Variants in ZMYM2 observed in about 807,000 individuals in gnomAD.
ZMYM2 encodes the protein zinc finger MYM-type containing 2.
In ZMYM2, 56 loss-of-function variants were observed where a neutral mutation model predicts 162.8. The ratio of observed to expected loss-of-function variants is 0.34; its 90% CI spans 0.28 to 0.43. The LOEUF (loss-of-function observed/expected upper bound fraction) is 0.43, where lower values mean the gene tolerates loss of function less well. ZMYM2 is among the 20% of genes least tolerant of loss of function. The probability of loss-of-function intolerance (pLI) is 1.00; values close to 1 mark genes in which losing one functional copy is unlikely to be tolerated. For missense variants in ZMYM2, 1,275 were observed against 1,621.8 expected (o/e 0.79, Z 3.67); for synonymous variants, 510 against 541.6 (o/e 0.94, Z 0.81).
At chr13:20,048,011 G>A (rs1358188843) in intron 12 of ZMYM2, among the ~76,000 whole-genome samples, 1 of 151,982 alleles carries the variant, frequency 6.6e-6, no homozygotes, top group East Asian at 1.9e-4. Context: ...ATAATAGCTA[G>A]AAGGTGTTTG....
chr13:19,977,553 C>A (rs1450888928), intron 2 of ZMYM2, among the ~76,000 whole-genome samples: 1 of 148,650 alleles, frequency 6.7e-6, no homozygotes, highest in African/African-American at 2.5e-5. Flanking sequence ...AGTGCAGTGG[C>A]GCGATCTCGG....
the ZMYM2 span, among the ~76,000 whole-genome samples, chr13:19,884,341 C>T: frequency 3.9e-5 from 6 of 152,216 alleles, no homozygotes; most frequent in African/African-American, 1.2e-4. Context: ...TTTGAAAGGC[C>T]CTGGCAGAAA....
chr13:19,906,345 ATG>A, the ZMYM2 span, among the ~76,000 whole-genome samples: 5 of 135,118 alleles, frequency 3.7e-5, no homozygotes, highest in African/African-American at 5.4e-5. Context: ...GTGTATATAT[ATG>A]TGTGTGTATA....
At chr13:19,975,312 C>T (rs1372207732) in intron 2 of ZMYM2, among the ~76,000 whole-genome samples, 1 of 152,078 alleles carries the variant, frequency 6.6e-6, no homozygotes, top group Non-Finnish European at 1.5e-5. Context: ...TTTTCATCAT[C>T]CCAAATAGAA....
At chr13:20,059,346 C>T in intron 15 of ZMYM2, 101 bp from the exon 16 acceptor site, 6 of 1,204,490 alleles carry the variant, frequency 5.0e-6, no homozygotes, top group Non-Finnish European at 5.6e-6. Context: ...AAAAAAGGTA[C>T]TGAGGTAGTT....
At chr13:19,997,017 C>T (rs532222436) in intron 3 of ZMYM2, among the ~76,000 whole-genome samples, 1 of 152,134 alleles carries the variant, frequency 6.6e-6, no homozygotes, top group African/African-American at 2.4e-5. Context: ...CACACAGCAG[C>T]CTGCGCAACA....
At chr13:19,970,974 G>A (rs1006335629) in intron 2 of ZMYM2, among the ~76,000 whole-genome samples, 5 of 151,994 alleles carry the variant, frequency 3.3e-5, no homozygotes, top group African/African-American at 1.2e-4. Context: ...TTTTCAGGCA[G>A]AGGAAGATCC....
chr13:20,022,163 G>A (rs576087658), intron 7 of ZMYM2, among the ~76,000 whole-genome samples: 1 of 152,272 alleles, frequency 6.6e-6, no homozygotes, highest in African/African-American at 2.4e-5. Flanking sequence ...GTTAAAGGTG[G>A]GTGGGAGGTT....
the ZMYM2 span, among the ~76,000 whole-genome samples, chr13:19,885,589 C>G: frequency 3.3e-5 from 5 of 152,052 alleles, no homozygotes; most frequent in Non-Finnish European, 7.4e-5. Flanking sequence ...CCTATAATCC[C>G]AGCACTTTGG....
chr13:20,067,279 C>T lies in ZMYM2; in HGVS notation c.3342C>T (p.Thr1114=). The change falls in exon 21 of 25, where the codon ACC becomes ACT. Residue 1114 remains threonine (T), a synonymous_variant. Transcript: ENST00000610343. ...VKLKEDLLSH[T]TAELNYGLAH... ...TAAAAGAGGATCTACTCTCTCACAC[C>T]ACAGCTGAGCTTAACTATGGGTTAG... The T allele has an allele frequency of 6.3e-7, 1 of 1,586,140 alleles. No homozygotes were observed. The highest frequency in any genetic ancestry group is 8.6e-7 in the Non-Finnish European group (1 of 1,165,078).
At chr13:19,938,433 C>G in the ZMYM2 span, among the ~76,000 whole-genome samples, 1 of 152,106 alleles carries the variant, frequency 6.6e-6, no homozygotes, top group South Asian at 2.1e-4. Context: ...GGGAGGCCAA[C>G]GTTGCAGTGA....
chr13:19,984,485 A>T (rs1175251116), intron 2 of ZMYM2, among the ~76,000 whole-genome samples: 1 of 152,216 alleles, frequency 6.6e-6, no homozygotes, highest in Non-Finnish European at 1.5e-5. Context: ...TATACCTTTG[A>T]ATTAGAAGAA....
rs968920715 is a variant in ZMYM2, at chr13:19,993,356, A to G, written c.284A>G (p.Asn95Ser). 6.2e-7 allele frequency: 1 copy of G among 1,613,682 alleles called. No individual in the cohort carries two copies. Among genetic ancestry groups the G allele is most frequent in the African/African-American group, 1.3e-5 (1 of 74,930 alleles). ...TSSKNEELQG[N>S]DSKITPSSKE... ...TCAAAAAATGAAGAACTACAAGGAA[A>G]TGATTCCAAAATTACTCCTTCCTCA... The change falls in exon 3 of 25, where the codon AAT becomes AGT. Residue 95 changes from asparagine to serine, a missense_variant. Asn to Ser is a conservative substitution (Grantham distance 46). Transcript: ENST00000610343.
At chr13:20,005,467 T>C (rs575703525) in intron 5 of ZMYM2, among the ~76,000 whole-genome samples, 1 of 152,228 alleles carries the variant, frequency 6.6e-6, no homozygotes, top group East Asian at 1.9e-4. Flanking sequence ...AAAATCATTG[T>C]GTTAATTGCC....
intron 14 of ZMYM2, among the ~76,000 whole-genome samples, chr13:20,057,500 G>T (rs957552450): frequency 2.0e-5 from 3 of 151,958 alleles, no homozygotes; most frequent in Non-Finnish European, 4.4e-5. Flanking sequence ...ATGCATAAGG[G>T]TACAGTAAAC....
At position 20,027,253 on chromosome 13, in the gene ZMYM2, C is replaced by G. The variant is rs1288326383; in HGVS notation, c.1786C>G (p.Gln596Glu). ...FCKRNSLPQYQATMPDGKLYN... is the reference protein window; with the variant it reads ...FCKRNSLPQYEATMPDGKLYN... ...TAAGCGAAACTCTTTACCTCAATAC[C>G]AAGCCACAATGCCTGATGGAAAACT... Residue 596 changes from glutamine to glutamate, a missense_variant, in exon 9 of 25, where the codon CAA becomes GAA. Coordinates refer to ENST00000610343, the MANE Select transcript of ZMYM2 (RefSeq NM_197968.4). 28 of 1,585,724 alleles carry G rather than the reference C, an allele frequency of 1.8e-5. No homozygotes were observed. Among genetic ancestry groups the G allele is most frequent in the Non-Finnish European group, 2.3e-5 (27 of 1,164,274 alleles).
the ZMYM2 span, among the ~76,000 whole-genome samples, chr13:19,872,140 C>G: frequency 7.1e-6 from 1 of 140,622 alleles, no homozygotes; most frequent in South Asian, 2.3e-4. Flanking sequence ...TGGCTAAGTT[C>G]TTTTTTTTTT....
chr13:20,038,447 A>G (rs575975265), intron 12 of ZMYM2, among the ~76,000 whole-genome samples: 40 of 152,272 alleles, frequency 2.6e-4, no homozygotes, highest in African/African-American at 8.4e-4. Context: ...TAATTTTTGT[A>G]TATGGTGTAA....
At chr13:20,073,227 A>G (rs1046494207) in intron 21 of ZMYM2, among the ~76,000 whole-genome samples, 9 of 152,252 alleles carry the variant, frequency 5.9e-5, no homozygotes, top group Admixed American at 3.3e-4. Flanking sequence ...ATCTTGAACA[A>G]TCCAGCTCAG....
Sources: gnomAD v4.1 joint callset for allele counts (sites outside exome capture counted in the v4.1 genomes callset) on GRCh38, gnomAD v4.1.1 for gene constraint, MANE v1.5 for transcripts, NCBI Gene and HGNC (gene_info 2026-07-23, HGNC 2026-07-21) for gene names.